PDE9A: variants seen among roughly 807,000 people sequenced by gnomAD.
PDE9A encodes the protein high affinity cGMP-specific 3',5'-cyclic phosphodiesterase 9A.
In PDE9A, 60 loss-of-function variants were observed where a neutral mutation model predicts 87.4. The observed-to-expected ratio is 0.69, with a 90% CI of 0.56 to 0.85. PDE9A has a LOEUF of 0.85. Ranked by LOEUF, PDE9A falls within the 40% of genes least tolerant of loss-of-function variation. PDE9A has a pLI of 0.00. For synonymous variants in PDE9A, 272 were observed against 279.4 expected, an observed-to-expected ratio of 0.97 and a Z score of 0.27; for missense variants, 665 against 779.0, an observed-to-expected ratio of 0.85 and a Z score of 1.74.
At chr21:42,665,471 A>C (rs1402361051) in intron 1 of PDE9A, among the ~76,000 whole-genome samples, 1 of 151,606 alleles carries the variant, frequency 6.6e-6, no homozygotes, top group Non-Finnish European at 1.5e-5. Flanking sequence ...CACCCTGCCC[A>C]AGGGAGCTCA....
At chr21:42,664,059 G>T (rs1601893166) in intron 1 of PDE9A, among the ~76,000 whole-genome samples, 2 of 152,234 alleles carry the variant, frequency 1.3e-5, no homozygotes, top group African/African-American at 2.4e-5. Flanking sequence ...GGCCGAGTCG[G>T]GTCCAGATGC....
chr21:42,729,296 C>A (rs1370710350), intron 4 of PDE9A, among the ~76,000 whole-genome samples: 1 of 151,978 alleles, frequency 6.6e-6, no homozygotes, highest in Non-Finnish European at 1.5e-5. Flanking sequence ...TTGTAGTGTT[C>A]CCGTATTATC....
At chr21:42,726,676 G>GTCTCAAAC (rs2051151448) in intron 4 of PDE9A, among the ~76,000 whole-genome samples, 1 of 116,048 alleles carries the variant, frequency 8.6e-6, no homozygotes, top group Admixed American at 1.1e-4. Flanking sequence ...TCCCCGGCTG[G>GTCTCAAAC]TCTCAAACTC....
rs141574765 is a variant in PDE9A at position 42,770,768 on chromosome 21, G to T, written c.1656G>T (p.Glu552Asp). The stretch of plus-strand genomic sequence containing the variant: ...GGGAATCCCGAGATCGCTACGAGGA[G>T]CTGAAGCGGATAGATGACGCCATGA... ...PLWESRDRYEELKRIDDAMKE... is the reference protein window; with the variant it reads ...PLWESRDRYEDLKRIDDAMKE... The change falls in exon 18 of 20, where the codon GAG becomes GAT. Residue 552 changes from glutamate to aspartate, a missense_variant. Transcript: ENST00000291539. 22 of 1,613,946 alleles carry T rather than the reference G, an allele frequency of 1.4e-5. No individual in the cohort carries two copies. Among genetic ancestry groups the T allele is most frequent in the Non-Finnish European group, 1.7e-5 (20 of 1,179,910 alleles).
chr21:42,668,720 C>T (rs925866002), intron 1 of PDE9A, among the ~76,000 whole-genome samples: 1 of 152,322 alleles, frequency 6.6e-6, no homozygotes, highest in South Asian at 2.1e-4. Flanking sequence ...GTGCGGAGGC[C>T]CGGGATCCGC....
chr21:42,704,258 A>G lies in PDE9A; in HGVS notation c.262+5247A>G, dbSNP rs71320548. 0.022 allele frequency among the ~76,000 whole-genome samples: 3,377 copies of G among 152,080 alleles called. 65 individuals carry two copies. Among genetic ancestry groups the G allele is most frequent in the Middle Eastern group, 0.037 (11 of 294 alleles). ...GTCGCTGGCTGTCCAGGGGAGCTGC[A>G]TTTTCCTAGCAGCGACAACCCCTCC... On this transcript the variant is annotated intron_variant, in intron 4 of 19. Coordinates refer to ENST00000291539, the MANE Select transcript of PDE9A (RefSeq NM_002606.3). This position sits in a 1 kb window ranked among gnomAD's most constrained non-coding sequence, Gnocchi z 5.3.
chr21:42,762,347 G>A (rs2147117746), intron 14 of PDE9A, 108 bp downstream of exon 14: 1 of 1,213,842 alleles, frequency 8.2e-7, no homozygotes. Context: ...CCACAGCAGT[G>A]CCCTGGGGAC....
chr21:42,680,837 G>A (rs2059130395), intron 1 of PDE9A, among the ~76,000 whole-genome samples: 1 of 152,320 alleles, frequency 6.6e-6, no homozygotes, highest in African/African-American at 2.4e-5. Context: ...GGGAACAGAG[G>A]AGCCAGGTGT....
chr21:42,663,567 T>C (rs775194320), intron 1 of PDE9A, among the ~76,000 whole-genome samples: 26 of 152,166 alleles, frequency 1.7e-4, no homozygotes, highest in Non-Finnish European at 2.8e-4. Context: ...TTGGAGGGTA[T>C]GGGCTGAGCC....
intron 1 of PDE9A, among the ~76,000 whole-genome samples, chr21:42,674,488 G>A (rs575689547): frequency 6.6e-6 from 1 of 151,956 alleles, no homozygotes; most frequent in Admixed American, 6.6e-5. Context: ...AACAGGGTGG[G>A]GGCTGCTCCT....
chr21:42,750,597 G>A (rs1313093739), intron 8 of PDE9A, among the ~76,000 whole-genome samples: 1 of 147,654 alleles, frequency 6.8e-6, no homozygotes, highest in African/African-American at 2.5e-5. Context: ...ATGGAGTTTC[G>A]CTCTTGTTGC....
chr21:42,731,714 G>T, intron 4 of PDE9A, 56 bp from the exon 5 acceptor site: 1 of 1,536,542 alleles, frequency 6.5e-7, no homozygotes, highest in Non-Finnish European at 8.9e-7. Context: ...AATAGACCTG[G>T]ACACTAAGAG....
intron 14 of PDE9A, 32 bp downstream of exon 14, chr21:42,762,271 G>T (rs377738345): frequency 6.2e-7 from 1 of 1,606,700 alleles, no homozygotes; most frequent in Admixed American, 1.7e-5. Flanking sequence ...CCACCGGAGT[G>T]GGGGCACATT....
intron 4 of PDE9A, among the ~76,000 whole-genome samples, chr21:42,700,542 C>T (rs1288303593): frequency 2.6e-5 from 4 of 152,104 alleles, no homozygotes; most frequent in Non-Finnish European, 5.9e-5. Context: ...GGAAGGAATA[C>T]GTGGGGCGCA....
chr21:42,658,795 G>A (rs76515446), intron 1 of PDE9A, among the ~76,000 whole-genome samples: 3,401 of 152,226 alleles, frequency 0.022, 107 homozygotes, highest in African/African-American at 0.068. Context: ...CTTTAAATTG[G>A]TATAAAAATG....
intron 15 of PDE9A, among the ~76,000 whole-genome samples, chr21:42,767,118 G>T (rs1457266571): frequency 2.0e-5 from 3 of 152,066 alleles, no homozygotes; most frequent in African/African-American, 7.2e-5. Flanking sequence ...AGCCCCAGAC[G>T]GGGCTTTATG....
chr21:42,746,637 G>A (rs1207525187), intron 8 of PDE9A, among the ~76,000 whole-genome samples: 1 of 152,212 alleles, frequency 6.6e-6, no homozygotes, highest in African/African-American at 2.4e-5. Context: ...GCAGGGTTAG[G>A]ACTTCAACAT....
Position 42,759,965 on chromosome 21 carries a change from T to C in PDE9A, c.898-363T>C, listed in dbSNP as rs7279709. On this transcript the variant is annotated intron_variant, in intron 11 of 19. Coordinates refer to ENST00000291539, the MANE Select transcript of PDE9A (RefSeq NM_002606.3). This position sits in a 1 kb window ranked among gnomAD's most constrained non-coding sequence, Gnocchi z 7.2. Reference sequence around the variant, plus strand: ...TAAAAGCCTATTAAAGGTTTCATGGTGACTGGGGACCCAGAGCTCCCTCTT... The same window carrying C: ...TAAAAGCCTATTAAAGGTTTCATGGCGACTGGGGACCCAGAGCTCCCTCTT... Among the ~76,000 whole-genome samples, 139,190 of 152,000 alleles carry C rather than the reference T, an allele frequency of 0.92. 64,239 individuals carry two copies. Among genetic ancestry groups the C allele is most frequent in the Non-Finnish European group, 0.98 (66,540 of 67,972 alleles).
chr21:42,662,914 A>G (rs1010674974), intron 1 of PDE9A, among the ~76,000 whole-genome samples: 1 of 144,794 alleles, frequency 6.9e-6, no homozygotes, highest in Non-Finnish European at 1.5e-5. Context: ...CACACCATGC[A>G]CATGCACATC....
Sources: gnomAD v4.1 joint callset for allele counts (sites outside exome capture counted in the v4.1 genomes callset) on GRCh38, gnomAD v4.1.1 for gene constraint, Gnocchi (gnomAD v3.1) non-coding constraint, MANE v1.5 for transcripts, NCBI Gene and HGNC (gene_info 2026-07-23, HGNC 2026-07-21) for gene names.